TRPM3: variants seen among roughly 807,000 people sequenced by gnomAD.
TRPM3 encodes the protein long transient receptor potential channel 3.
In TRPM3, 77 loss-of-function variants were observed where a neutral mutation model predicts 181.2. The ratio of observed to expected loss-of-function variants is 0.42; its 90% CI spans 0.35 to 0.51. TRPM3 has a LOEUF of 0.51. TRPM3 is among the 20% of genes least tolerant of loss of function. The probability of loss-of-function intolerance (pLI) is 0.01; values close to 1 mark genes in which losing one functional copy is unlikely to be tolerated. For missense variants in TRPM3, 1,759 were observed against 2,196.7 expected, an observed-to-expected ratio of 0.80 and a Z score of 3.98; for synonymous variants, 745 against 796.4, an observed-to-expected ratio of 0.94 and a Z score of 1.09.
intron 1 of TRPM3, among the ~76,000 whole-genome samples, chr9:71,035,807 T>G (rs1157515793): frequency 6.6e-6 from 1 of 152,128 alleles, no homozygotes; most frequent in African/African-American, 2.4e-5. Flanking sequence ...TAAGGACCTC[T>G]CAGAAAAATT....
intron 1 of TRPM3, among the ~76,000 whole-genome samples, chr9:71,402,363 T>G (rs2093357691): frequency 6.6e-6 from 1 of 152,206 alleles, no homozygotes. Flanking sequence ...TCACGTGGTT[T>G]GCCAGAAGTC....
At chr9:71,418,295 G>C (rs1039554097) in intron 1 of TRPM3, among the ~76,000 whole-genome samples, 4 of 151,832 alleles carry the variant, frequency 2.6e-5, no homozygotes, top group African/African-American at 7.3e-5. Flanking sequence ...GGGACTCACA[G>C]AATCTCCAGG....
chr9:71,186,527 T>G (rs1411664050), intron 1 of TRPM3, among the ~76,000 whole-genome samples: 1 of 152,030 alleles, frequency 6.6e-6, no homozygotes, highest in Non-Finnish European at 1.5e-5. Context: ...GGCATTTAGT[T>G]TGTGAATTTG....
chr9:70,892,935 A>G (rs1315163433), intron 1 of TRPM3, among the ~76,000 whole-genome samples: 3 of 152,204 alleles, frequency 2.0e-5, no homozygotes, highest in Non-Finnish European at 4.4e-5. Flanking sequence ...GACCGGCTAT[A>G]TCCACAAATA....
At chr9:71,340,538 TCTC>T (rs1446864892) in intron 1 of TRPM3, among the ~76,000 whole-genome samples, 2 of 152,086 alleles carry the variant, frequency 1.3e-5, no homozygotes, top group African/African-American at 4.8e-5. Context: ...CAAGCTCTCT[TCTC>T]CTGTTTGCTG....
chr9:70,800,825 C>T (rs1295326914), intron 6 of TRPM3, among the ~76,000 whole-genome samples: 5 of 151,694 alleles, frequency 3.3e-5, no homozygotes, highest in Admixed American at 2.6e-4. Context: ...TTTGAGAAGT[C>T]GAAAGTTACA....
intron 1 of TRPM3, among the ~76,000 whole-genome samples, chr9:71,152,611 C>T (rs2075790698): frequency 6.6e-6 from 1 of 152,072 alleles, no homozygotes; most frequent in African/African-American, 2.4e-5. Flanking sequence ...TGTCCTCGTA[C>T]GGAGATAATC....
At chr9:71,268,562 C>T (rs113369111) in intron 1 of TRPM3, among the ~76,000 whole-genome samples, 1,647 of 151,628 alleles carry the variant, frequency 0.011, 27 homozygotes, top group East Asian at 0.075. Context: ...CGGTGGCTCA[C>T]GCCTGTAATC....
chr9:70,823,423 C>A (rs1187139539), intron 6 of TRPM3, among the ~76,000 whole-genome samples: 1 of 152,202 alleles, frequency 6.6e-6, no homozygotes, highest in Non-Finnish European at 1.5e-5. Flanking sequence ...TCACTGAACA[C>A]CTGGTGGCTT....
intron 8 of TRPM3, among the ~76,000 whole-genome samples, chr9:70,696,643 G>T (rs551691186): frequency 2.6e-5 from 4 of 152,172 alleles, no homozygotes; most frequent in Admixed American, 2.6e-4. Flanking sequence ...TGAAGGACAC[G>T]CAGGGCCAAT....
intron 4 of TRPM3, 116 bp downstream of exon 4, chr9:70,846,262 C>T (rs2094948145): frequency 2.1e-6 from 2 of 943,608 alleles, no homozygotes; most frequent in South Asian, 1.5e-5. Flanking sequence ...CAACTATGGA[C>T]CCATGGGTAG....
chr9:71,063,390 C>T (rs1023919147), intron 1 of TRPM3, among the ~76,000 whole-genome samples: 2 of 152,096 alleles, frequency 1.3e-5, no homozygotes, highest in Non-Finnish European at 2.9e-5. Flanking sequence ...TTGAAAGTGA[C>T]ATGGTCCTTG....
At chr9:70,919,210 C>T (rs2096630890) in intron 1 of TRPM3, among the ~76,000 whole-genome samples, 1 of 152,152 alleles carries the variant, frequency 6.6e-6, no homozygotes, top group Non-Finnish European at 1.5e-5. Flanking sequence ...GTCCCAACTG[C>T]CTAGCATGGA....
intron 1 of TRPM3, among the ~76,000 whole-genome samples, chr9:71,147,817 C>T (rs979725147): frequency 6.6e-6 from 1 of 152,140 alleles, no homozygotes; most frequent in Non-Finnish European, 1.5e-5. Flanking sequence ...CTCAGACCTC[C>T]TGGGGGAAGC....
intron 1 of TRPM3, among the ~76,000 whole-genome samples, chr9:71,044,727 A>G (rs1461725536): frequency 6.6e-6 from 1 of 152,158 alleles, no homozygotes; most frequent in Non-Finnish European, 1.5e-5. Context: ...GCTGGAGTGC[A>G]GTGGCGCGGC....
At chr9:70,803,933 A>G (rs922189214) in intron 6 of TRPM3, among the ~76,000 whole-genome samples, 2 of 152,108 alleles carry the variant, frequency 1.3e-5, no homozygotes, top group Non-Finnish European at 2.9e-5. Context: ...CTCAGAGAGG[A>G]GCTAGAGTGA....
chr9:71,225,088 A>G (rs2080507847), intron 1 of TRPM3, among the ~76,000 whole-genome samples: 2 of 152,190 alleles, frequency 1.3e-5, no homozygotes, highest in South Asian at 4.1e-4. Flanking sequence ...GAAGGCTACC[A>G]ATATTTAATA....
chr9:70,807,166 G>A (rs1022000500), intron 6 of TRPM3, among the ~76,000 whole-genome samples: 2 of 152,194 alleles, frequency 1.3e-5, no homozygotes, highest in African/African-American at 4.8e-5. Flanking sequence ...GATCTGGACT[G>A]AAAAGCAACC....
intron 7 of TRPM3, 60 bp from the exon 8 acceptor site, chr9:70,761,784 G>A: frequency 1.3e-6 from 2 of 1,545,214 alleles, no homozygotes; most frequent in Non-Finnish European, 1.7e-6. Context: ...AAGTATTTCT[G>A]AGAAATACAG....
Sources: allele counts gnomAD v4.1 joint callset (sites outside exome capture counted in the v4.1 genomes callset), GRCh38; gene constraint gnomAD v4.1.1; transcripts MANE v1.5; gene names NCBI Gene and HGNC (gene_info 2026-07-23, HGNC 2026-07-21).